Variants in BLTP3B observed in about 807,000 individuals in gnomAD.
The protein encoded by BLTP3B is UHRF1 (ICBP90) binding protein 1-like.
the BLTP3B span, among the ~76,000 whole-genome samples, chr12:100,096,534 T>A: frequency 6.6e-6 from 1 of 152,030 alleles, no homozygotes; most frequent in African/African-American, 2.4e-5. Flanking sequence ...ATAAAAATGT[T>A]TAGGCCAGGC....
chr12:100,098,490 A>G, the BLTP3B span: 1 of 1,613,512 alleles, frequency 6.2e-7, no homozygotes, highest in African/African-American at 1.3e-5. Context: ...TGACTATAGA[A>G]TTTACAGAAA....
the BLTP3B span, chr12:100,070,251 G>C: frequency 6.9e-7 from 1 of 1,443,552 alleles, no homozygotes. Flanking sequence ...CATGAAGATA[G>C]GATTAAATGC....
chr12:100,048,321 A>G, the BLTP3B span: 1 of 1,060,978 alleles, frequency 9.4e-7, no homozygotes, highest in South Asian at 2.0e-5. Context: ...GATACTCTAT[A>G]GTACATATAC....
At chr12:100,058,484 G>C in the BLTP3B span, 1 of 1,613,218 alleles carries the variant, frequency 6.2e-7, no homozygotes, top group South Asian at 1.1e-5. Flanking sequence ...TCATAGATCT[G>C]TTGTCTGACA....
At chr12:100,088,521 T>C in the BLTP3B span, among the ~76,000 whole-genome samples, 1 of 152,208 alleles carries the variant, frequency 6.6e-6, no homozygotes, top group Non-Finnish European at 1.5e-5. Flanking sequence ...AAAACTGCAA[T>C]GCTGAAAACA....
chr12:100,101,289 T>A, the BLTP3B span, among the ~76,000 whole-genome samples: 1 of 152,166 alleles, frequency 6.6e-6, no homozygotes, highest in African/African-American at 2.4e-5. Context: ...CGAATCACCA[T>A]TAGATTCCCA....
At chr12:100,084,641 A>G in the BLTP3B span, 14 of 1,613,724 alleles carry the variant, frequency 8.7e-6, no homozygotes, top group Non-Finnish European at 1.2e-5. Context: ...AAATACATCC[A>G]ATGATTACAA....
At chr12:100,056,670 C>T in the BLTP3B span, among the ~76,000 whole-genome samples, 1 of 151,170 alleles carries the variant, frequency 6.6e-6, no homozygotes, top group African/African-American at 2.4e-5. Flanking sequence ...AAACCCCATC[C>T]CTAGTAAAAA....
the BLTP3B span, among the ~76,000 whole-genome samples, chr12:100,061,996 C>T: frequency 3.3e-5 from 5 of 152,152 alleles, no homozygotes; most frequent in African/African-American, 1.2e-4. Flanking sequence ...TGGGTGGGCC[C>T]TAGTCCATTA....
At chr12:100,113,639 C>A in the BLTP3B span, among the ~76,000 whole-genome samples, 2 of 151,714 alleles carry the variant, frequency 1.3e-5, no homozygotes, top group East Asian at 3.9e-4. Flanking sequence ...TGAGTAATAA[C>A]TCAGTAAGTG....
the BLTP3B span, chr12:100,142,667 C>A: frequency 1.9e-6 from 3 of 1,600,582 alleles, no homozygotes; most frequent in Non-Finnish European, 2.6e-6. Flanking sequence ...GCGGTCTCGT[C>A]CTGTTGCTCA....
At chr12:100,113,075 G>T in the BLTP3B span, among the ~76,000 whole-genome samples, 2 of 152,002 alleles carry the variant, frequency 1.3e-5, no homozygotes, top group African/African-American at 4.8e-5. Flanking sequence ...TGAGGCTAAG[G>T]TGGGGGGATC....
chr12:100,142,324 A>T, the BLTP3B span, among the ~76,000 whole-genome samples: 1 of 152,080 alleles, frequency 6.6e-6, no homozygotes. Context: ...GCCGGGAGCG[A>T]TCCCAGCCCG....
chr12:100,090,226 T>C, the BLTP3B span, among the ~76,000 whole-genome samples: 1 of 152,208 alleles, frequency 6.6e-6, no homozygotes. Context: ...AAAGATGTGG[T>C]ATGTCCTTTG....
the BLTP3B span, among the ~76,000 whole-genome samples, chr12:100,067,351 T>C: frequency 6.6e-6 from 1 of 151,930 alleles, no homozygotes; most frequent in Non-Finnish European, 1.5e-5. Context: ...AGAGAAGAAC[T>C]AAATGAAACT....
At chr12:100,127,339 A>G in the BLTP3B span, among the ~76,000 whole-genome samples, 2 of 152,250 alleles carry the variant, frequency 1.3e-5, no homozygotes, top group Non-Finnish European at 2.9e-5. Flanking sequence ...GCATGGAATC[A>G]ATGCAGGCAA....
the BLTP3B span, among the ~76,000 whole-genome samples, chr12:100,124,936 T>TTATATA: frequency 0.049 from 2,706 of 55,628 alleles, 99 homozygotes; most frequent in East Asian, 0.072. Context: ...AAAAAAAATT[T>TTATATA]TATATATATA....
At chr12:100,060,590 C>A in the BLTP3B span, among the ~76,000 whole-genome samples, 1 of 152,088 alleles carries the variant, frequency 6.6e-6, no homozygotes, top group Non-Finnish European at 1.5e-5. Context: ...AATTTATTCC[C>A]CACTTTTAAT....
chr12:100,109,642 T>A, the BLTP3B span, among the ~76,000 whole-genome samples: 1 of 152,072 alleles, frequency 6.6e-6, no homozygotes, highest in South Asian at 2.1e-4. Context: ...GGCGCATGCC[T>A]GTAGTCCCAG....
Sources: allele counts gnomAD v4.1 joint callset (sites outside exome capture counted in the v4.1 genomes callset), GRCh38; gene constraint gnomAD v4.1.1; transcripts MANE v1.5; gene names NCBI Gene and HGNC (gene_info 2026-07-23, HGNC 2026-07-21).